Variants in DVL3 observed in about 807,000 individuals in gnomAD.
DVL3 encodes dishevelled segment polarity protein 3, also known as segment polarity protein dishevelled homolog DVL-3.
In DVL3, 27 loss-of-function variants were observed where a neutral mutation model predicts 67.4. The ratio of observed to expected loss-of-function variants is 0.40; its 90% CI spans 0.30 to 0.55. DVL3 has a LOEUF of 0.55. Ranked by LOEUF, DVL3 falls within the 20% of genes least tolerant of loss-of-function variation. The pLI is 0.46. For synonymous variants in DVL3, 369 were observed against 396.8 expected, an observed-to-expected ratio of 0.93 and a Z score of 0.83; for missense variants, 819 against 1,021.5, an observed-to-expected ratio of 0.80 and a Z score of 2.70.
At position 184,170,508 on chromosome 3, in the gene DVL3, G is replaced by C. The variant is rs751161589; in HGVS notation, c.1904G>C (p.Arg635Pro). 3 of 1,604,584 alleles carry C rather than the reference G, an allele frequency of 1.9e-6. No individual in the cohort carries two copies. The highest frequency in any genetic ancestry group is 2.7e-5 in the African/African-American group (2 of 74,656). Residue 635 changes from arginine (R) to proline (P), a missense_variant, in exon 15 of 15, where the codon CGC becomes CCC. This residue lies in a region of DVL3 where 324 missense variants were observed against 331.3 expected (regional missense o/e 0.98). Coordinates refer to ENST00000313143, the MANE Select transcript of DVL3 (RefSeq NM_004423.4). This position sits in a 1 kb window ranked among gnomAD's most constrained non-coding sequence, Gnocchi z 6.5. ...CCGGCGGCCAGCGAGCACAGCCACC[G>C]CAGCCACCATTCCCTGGCCAGCAGC... is the stretch of plus-strand genomic sequence containing the variant. ...SGPAASEHSH[R>P]SHHSLASSLR...
chr3:184,168,691 A>G (rs1281156964), intron 13 of DVL3, among the ~76,000 whole-genome samples: 2 of 152,142 alleles, frequency 1.3e-5, no homozygotes, highest in African/African-American at 4.8e-5. Context: ...GCTGGGAGGA[A>G]TGTCTCATCT....
At position 184,167,655 on chromosome 3, in the gene DVL3, G is replaced by C; in HGVS notation, c.1274G>C (p.Gly425Ala). The C allele has an allele frequency of 6.2e-7, 1 of 1,614,162 alleles. No homozygotes were observed. Among genetic ancestry groups the C allele is most frequent in the Non-Finnish European group, 8.5e-7 (1 of 1,180,032 alleles). ...AAAGCCATGGCCTCCCCTGAATCAGGGTTGGAGGTCCGTGACCGCATGTGG... is the reference window on the plus strand; with the variant it reads ...AAAGCCATGGCCTCCCCTGAATCAGCGTTGGAGGTCCGTGACCGCATGTGG... Reference protein sequence around the residue: ...IVKAMASPESGLEVRDRMWLK... With the variant: ...IVKAMASPESALEVRDRMWLK... Residue 425 changes from glycine (G) to alanine (A), a missense_variant, in exon 12 of 15, where the codon GGG becomes GCG. Physicochemically the swap from Gly to Ala is moderately conservative, Grantham distance 60. Around this residue, in one of 3 missense-constraint regions of DVL3, gnomAD observed 110 missense variants for 203.4 expected, o/e 0.54. Transcript: ENST00000313143. This position sits in a 1 kb window ranked among gnomAD's most constrained non-coding sequence, Gnocchi z 4.6.
rs1458086035 is a variant in DVL3 at position 184,165,424 on chromosome 3, C to T, written c.696C>T (p.Ser232=). ...CTCAGGGCCTCTGTCTATTCCAGTC[C>T]TCGTCCTTCAGCAGCATCACGGACT... is the stretch of plus-strand genomic sequence containing the variant. The part of the protein sequence containing the change: ...RKQKVSRIER[S]SSFSSITDST... Residue 232 remains serine, a splice_region_variant and synonymous_variant, in exon 7 of 15, where the codon TCC becomes TCT. Transcript: ENST00000313143. This position sits in a 1 kb window ranked among gnomAD's most constrained non-coding sequence, Gnocchi z 4.1. 1.2e-6 allele frequency: 2 copies of T among 1,613,866 alleles called. No homozygotes were observed. The highest frequency in any genetic ancestry group is 1.3e-5 in the African/African-American group (1 of 74,900).
Position 184,163,774 on chromosome 3 carries a change from G to A in DVL3, c.231+48G>A. 6.5e-7 allele frequency: 1 copy of A among 1,544,714 alleles called. No individual in the cohort carries two copies. Among genetic ancestry groups the A allele is most frequent in the Non-Finnish European group, 8.9e-7 (1 of 1,118,072 alleles). On this transcript the variant is annotated intron_variant, in intron 2 of 14. Transcript: ENST00000313143. The surrounding 1 kb of genome is among the most constrained non-coding windows in gnomAD (Gnocchi z 4.5). ...TCCACCTGCATCCCTGTGCTGGGCTGGACGAGGGAAAGGCATCACTGAGAT... is the reference window on the plus strand; with the variant it reads ...TCCACCTGCATCCCTGTGCTGGGCTAGACGAGGGAAAGGCATCACTGAGAT...
In DVL3 at chr3:184,164,075, A is replaced by G. The variant is rs999385627; in HGVS notation, c.232-192A>G. On this transcript the variant is annotated intron_variant, in intron 2 of 14. Transcript: ENST00000313143. The surrounding 1 kb of genome is among the most constrained non-coding windows in gnomAD (Gnocchi z 5.3). ...CCACTTCACCACCCCATGCCTTCCA[A>G]CAACCCCGTCAATAGCAGGAAGTGG... 5.9e-5 allele frequency among the ~76,000 whole-genome samples: 9 copies of G among 151,906 alleles called. No homozygotes were observed. Among genetic ancestry groups the G allele is most frequent in the Non-Finnish European group, 1.0e-4 (7 of 67,974 alleles).
At position 184,167,527 on chromosome 3, in the gene DVL3, T is replaced by A; in HGVS notation, c.1199-53T>A. 1 of 1,563,066 alleles carries A rather than the reference T, an allele frequency of 6.4e-7. No individual in the cohort carries two copies. The highest frequency in any genetic ancestry group is 2.2e-5 in the East Asian group (1 of 44,636). ...GTAGAGCTAGAATGCAAACTCTTGT[T>A]TACCTAACTCCAAAGCCCCTTTCTG... is the stretch of plus-strand genomic sequence containing the variant. On this transcript the variant is annotated intron_variant, in intron 11 of 14. Transcript: ENST00000313143. This position sits in a 1 kb window ranked among gnomAD's most constrained non-coding sequence, Gnocchi z 4.6.
intron 1 of DVL3, among the ~76,000 whole-genome samples, chr3:184,159,918 A>AT (rs1482174430): frequency 6.6e-6 from 1 of 151,400 alleles, no homozygotes; most frequent in East Asian, 1.9e-4. Context: ...TTTTATTTTT[A>AT]TTTTTTTATT....
At position 184,166,586 on chromosome 3, in the gene DVL3, T is replaced by A; in HGVS notation, c.981-20T>A. 6.2e-7 allele frequency: 1 copy of A among 1,614,164 alleles called. No individual in the cohort carries two copies. The highest frequency in any genetic ancestry group is 8.5e-7 in the Non-Finnish European group (1 of 1,180,008). ...TGGCCTATACGCATCCTGCCTTCACTAGGACACCCTTGTTTTCAGGCCCAT... is the reference window on the plus strand; with the variant it reads ...TGGCCTATACGCATCCTGCCTTCACAAGGACACCCTTGTTTTCAGGCCCAT... On this transcript the variant is annotated intron_variant, in intron 9 of 14. Transcript: ENST00000313143. The surrounding 1 kb of genome is among the most constrained non-coding windows in gnomAD (Gnocchi z 6.7).
rs533512707 is a variant in DVL3 at position 184,156,127 on chromosome 3, G to A, written c.161+331G>A. Among the ~76,000 whole-genome samples the A allele has an allele frequency of 2.2e-4, 33 of 151,890 alleles. No individual in the cohort carries two copies. The South Asian group carries it at 6.5e-3, about 30-fold the overall frequency. ...CCCCCTCCACCTAGTTTCAGAGCCC[G>A]AGTCCCCCATCCTCCTCCTGCCGAG... On this transcript the variant is annotated intron_variant, in intron 1 of 14. Transcript: ENST00000313143.
chr3:184,166,839 G>T lies in DVL3; in HGVS notation c.1062G>T (p.Arg354=). The T allele has an allele frequency of 6.2e-7, 1 of 1,613,980 alleles. No homozygotes were observed. Among genetic ancestry groups the T allele is most frequent in the Non-Finnish European group, 8.5e-7 (1 of 1,179,968 alleles). The part of the protein sequence containing the change: ...CFTLPRSEPI[R]PIDPAAWVSH... ...TCCTCCCTGCAGGCGAGCCCATCCG[G>T]CCCATTGACCCTGCGGCCTGGGTCT... is the stretch of plus-strand genomic sequence containing the variant. The change falls in exon 11 of 15, where the codon CGG becomes CGT. Residue 354 remains arginine (R), a synonymous_variant. Transcript: ENST00000313143. This position sits in a 1 kb window ranked among gnomAD's most constrained non-coding sequence, Gnocchi z 6.7.
At position 184,155,380 on chromosome 3, in the gene DVL3, C is replaced by G. The variant is rs920966572; in HGVS notation, c.-256C>G. ...GAGCGGGCCCGGACGAAGCCCTGGG[C>G]CGGGAGGGCCGCGGCCACCGGAAGA... On this transcript the variant is annotated 5_prime_UTR_variant, in exon 1 of 15. Transcript: ENST00000313143. This position sits in a 1 kb window ranked among gnomAD's most constrained non-coding sequence, Gnocchi z 5.4. 1.3e-5 allele frequency: 2 copies of G among 149,684 alleles called. No homozygotes were observed. The highest frequency in any genetic ancestry group is 1.3e-4 in the Admixed American group (2 of 14,892). The allele number at this position is 149,684 out of a possible 1,614,324, so 9.3% of individuals were successfully genotyped here.
intron 1 of DVL3, among the ~76,000 whole-genome samples, chr3:184,159,046 G>A (rs538259966): frequency 9.0e-6 from 1 of 110,716 alleles, no homozygotes; most frequent in African/African-American, 3.4e-5. Flanking sequence ...CAAGTGCTGG[G>A]ATTACAGGTG....
chr3:184,161,229 C>T (rs1289278757), intron 1 of DVL3, among the ~76,000 whole-genome samples: 1 of 152,222 alleles, frequency 6.6e-6, no homozygotes. Context: ...GAGTTCAAGA[C>T]CACCCTGGCC....
rs369620650 is a variant in DVL3 at position 184,167,281 on chromosome 3, C to T, written c.1199-299C>T. Among the ~76,000 whole-genome samples, 76 of 152,206 alleles carry T rather than the reference C, an allele frequency of 5.0e-4. No homozygotes were observed. Among genetic ancestry groups the T allele is most frequent in the African/African-American group, 1.7e-3 (72 of 41,512 alleles). ...AGAGGATATAAGTGAAGCACCATTG[C>T]GATGTGTGGTGTAAAGTAAGCATTC... On this transcript the variant is annotated intron_variant, in intron 11 of 14. Transcript: ENST00000313143. The surrounding 1 kb of genome is among the most constrained non-coding windows in gnomAD (Gnocchi z 4.6).
intron 1 of DVL3, among the ~76,000 whole-genome samples, chr3:184,161,666 A>C (rs1322700063): frequency 2.6e-5 from 4 of 152,018 alleles, no homozygotes; most frequent in Non-Finnish European, 5.9e-5. Flanking sequence ...CGGCCAAACT[A>C]CATGCTCCGT....
intron 1 of DVL3, among the ~76,000 whole-genome samples, chr3:184,157,943 G>A (rs1714253556): frequency 6.6e-6 from 1 of 152,214 alleles, no homozygotes; most frequent in Admixed American, 6.5e-5. Flanking sequence ...TTTATGCTTA[G>A]TGTGCCAGGG....
intron 1 of DVL3, among the ~76,000 whole-genome samples, chr3:184,161,404 G>A (rs1265261408): frequency 2.6e-5 from 4 of 151,982 alleles, no homozygotes; most frequent in Non-Finnish European, 5.9e-5. Flanking sequence ...TCCAGCCTGG[G>A]TGACAGAGCG....
intron 13 of DVL3, 89 bp from the exon 14 acceptor site, chr3:184,169,917 C>G: frequency 8.2e-7 from 1 of 1,213,724 alleles, no homozygotes; most frequent in Middle Eastern, 2.0e-4. Context: ...CAGAAACTAC[C>G]ACGGTCTCTC....
At position 184,163,984 on chromosome 3, in the gene DVL3, C is replaced by T. The variant is rs928777173; in HGVS notation, c.231+258C>T. On this transcript the variant is annotated intron_variant, in intron 2 of 14. Transcript: ENST00000313143. This position sits in a 1 kb window ranked among gnomAD's most constrained non-coding sequence, Gnocchi z 4.5. ...TCCTATGCCGTTCAGACACTTGCCT[C>T]AGATTTCCTTCTGCCATCTGCTCAT... Among the ~76,000 whole-genome samples the T allele has an allele frequency of 6.6e-6, 1 of 152,094 alleles. No individual in the cohort carries two copies. Among genetic ancestry groups the T allele is most frequent in the Non-Finnish European group, 1.5e-5 (1 of 68,030 alleles).
Sources: allele counts gnomAD v4.1 joint callset (sites outside exome capture counted in the v4.1 genomes callset), GRCh38; gene constraint gnomAD v4.1.1; regional missense constraint gnomAD v4.1.1; non-coding constraint Gnocchi (gnomAD v3.1); transcripts MANE v1.5; gene names NCBI Gene and HGNC (gene_info 2026-07-23, HGNC 2026-07-21).